The following SATB1 variants were observed in gnomAD, a reference collection of about 807,000 sequenced individuals.
SATB1 encodes DNA-binding protein SATB1.
A neutral mutation model predicts 86.9 loss-of-function variants in SATB1; 11 were observed. That is an observed-to-expected ratio of 0.13 (90% CI 0.08 to 0.21). The LOEUF is 0.21. Ranked by LOEUF, SATB1 falls within the 10% of genes least tolerant of loss-of-function variation. The pLI is 1.00. For missense variants in SATB1, 551 were observed against 937.6 expected (o/e 0.59, Z 5.39); for synonymous variants, 357 against 357.2 (o/e 1.00, Z 0.01).
chr3:18,442,131 G>C (rs754071586), upstream of SATB1, among the ~76,000 whole-genome samples: 118 of 152,052 alleles, frequency 7.8e-4, no homozygotes, highest in Non-Finnish European at 1.3e-3. Context: ...TAACTATTCA[G>C]ACTTTTGGAA....
At chr3:18,431,210 T>A (rs1487826840) in intron 2 of SATB1, among the ~76,000 whole-genome samples, 1 of 152,150 alleles carries the variant, frequency 6.6e-6, no homozygotes, top group Admixed American at 6.5e-5. Context: ...ATTTTTTTCC[T>A]GTAGCTCGTG....
rs1020078335 is a variant in SATB1 at position 18,347,289 on chromosome 3, A to T, written c.*1881T>A. 2.0e-5 allele frequency: 3 copies of T among 152,102 alleles called. No homozygotes were observed. The highest frequency in any genetic ancestry group is 4.4e-5 in the Non-Finnish European group (3 of 67,990). The allele number at this position is 152,102 out of a possible 1,614,324, so 9.4% of individuals were successfully genotyped here. ...GAGCAAATAAAAGAAAAATCACCCCAAACTGTAATGCTGGCCTCAATCCTG... is the reference window on the plus strand; with the variant it reads ...GAGCAAATAAAAGAAAAATCACCCCTAACTGTAATGCTGGCCTCAATCCTG... On this transcript the variant is annotated 3_prime_UTR_variant, in exon 11 of 11. Coordinates refer to ENST00000338745, the MANE Select transcript of SATB1 (RefSeq NM_002971.6).
chr3:18,365,610 G>A (rs1695147715), intron 9 of SATB1, among the ~76,000 whole-genome samples: 1 of 152,172 alleles, frequency 6.6e-6, no homozygotes. Context: ...TCTAACAGAA[G>A]ATCAAAGAAG....
intron 9 of SATB1, among the ~76,000 whole-genome samples, chr3:18,369,925 G>A (rs1486784924): frequency 6.6e-6 from 1 of 152,216 alleles, no homozygotes; most frequent in Non-Finnish European, 1.5e-5. Flanking sequence ...GGTTGTGCAG[G>A]TGTGACCTTG....
intron 9 of SATB1, among the ~76,000 whole-genome samples, chr3:18,370,541 A>AAAAAAAAAAAAAAAAGAGGG: frequency 7.3e-6 from 1 of 137,752 alleles, no homozygotes; most frequent in Non-Finnish European, 1.6e-5. Flanking sequence ...AAAAAAGAGG[A>AAAAAAAAAAAAAAAAGAGGG]AAAACAAAAA....
intron 9 of SATB1, among the ~76,000 whole-genome samples, chr3:18,374,292 A>T (rs1695629022): frequency 6.6e-6 from 1 of 152,204 alleles, no homozygotes; most frequent in African/African-American, 2.4e-5. Flanking sequence ...CCCATATGAA[A>T]ACACTATAAC....
In SATB1 at chr3:18,394,347, G is replaced by T; in HGVS notation, c.1206+115C>A. On this transcript the variant is annotated intron_variant, in intron 7 of 10. Coordinates refer to ENST00000338745, the MANE Select transcript of SATB1 (RefSeq NM_002971.6). The surrounding 1 kb of genome is among the most constrained non-coding windows in gnomAD (Gnocchi z 5.9). ...CCAGGAATAGGTAATATGATCACAT[G>T]AAGAGAGAGAGAAAATGTTAGTACA... The T allele has an allele frequency of 1.2e-6, 1 of 866,568 alleles. No homozygotes were observed. The highest frequency in any genetic ancestry group is 1.8e-6 in the Non-Finnish European group (1 of 546,206). 53.7% of individuals were successfully genotyped at this position (866,568 alleles called of 1,614,324 possible). A position where few individuals can be genotyped will look rare whatever the true frequency, so the allele number is the denominator to read the frequency against.
chr3:18,345,906 G>T lies in SATB1; in HGVS notation c.*3264C>A, dbSNP rs1036890896. ...ATAGGGCAGAATTTAATAATGGAAT[G>T]TATGGGATTCTCATTTTTACTCAAT... is the stretch of plus-strand genomic sequence containing the variant. On this transcript the variant is annotated 3_prime_UTR_variant, in exon 11 of 11. Transcript: ENST00000338745. The T allele has an allele frequency of 1.3e-5, 2 of 152,052 alleles. No individual in the cohort carries two copies. Among genetic ancestry groups the T allele is most frequent in the Non-Finnish European group, 2.9e-5 (2 of 67,968 alleles). 9.4% of individuals were successfully genotyped at this position (152,052 alleles called of 1,614,324 possible).
chr3:18,395,995 T>A (rs559389506), intron 6 of SATB1, among the ~76,000 whole-genome samples: 7 of 152,224 alleles, frequency 4.6e-5, no homozygotes, highest in Non-Finnish European at 1.0e-4. Context: ...TTTCATTAAA[T>A]ATGCAGGTTT....
intron 8 of SATB1, among the ~76,000 whole-genome samples, chr3:18,385,775 A>T (rs1696312865): frequency 6.6e-6 from 1 of 152,220 alleles, no homozygotes; most frequent in Non-Finnish European, 1.5e-5. Flanking sequence ...TTAAAAAACA[A>T]TACAGATTCA....
At chr3:18,384,006 G>T (rs1269165199) in intron 8 of SATB1, among the ~76,000 whole-genome samples, 1 of 152,010 alleles carries the variant, frequency 6.6e-6, no homozygotes, top group African/African-American at 2.4e-5. Flanking sequence ...TGGTTAGATG[G>T]CCAGTAATAC....
chr3:18,358,670 T>C (rs1694768416), intron 9 of SATB1, among the ~76,000 whole-genome samples: 1 of 152,048 alleles, frequency 6.6e-6, no homozygotes, highest in Non-Finnish European at 1.5e-5. Flanking sequence ...AAAAGGCATA[T>C]GTGTGTGCAT....
upstream of SATB1, among the ~76,000 whole-genome samples, chr3:18,443,614 G>A (rs1156571068): frequency 2.0e-5 from 3 of 152,178 alleles, no homozygotes; most frequent in Non-Finnish European, 2.9e-5. This position sits in a 1 kb window ranked among gnomAD's most constrained non-coding sequence, Gnocchi z 4.4. Context: ...ATCCCAAGAG[G>A]AAACTGCGTT....
At chr3:18,387,441 T>C (rs1696401190) in intron 7 of SATB1, among the ~76,000 whole-genome samples, 1 of 152,210 alleles carries the variant, frequency 6.6e-6, no homozygotes, top group Non-Finnish European at 1.5e-5. Context: ...AAGAAATTTA[T>C]AAATCATTAG....
intron 2 of SATB1, among the ~76,000 whole-genome samples, chr3:18,420,074 G>A (rs1053803510): frequency 2.0e-5 from 3 of 152,136 alleles, no homozygotes; most frequent in Admixed American, 2.0e-4. Context: ...TACACCCAGG[G>A]TAGGCACTGC....
intron 1 of SATB1, chr3:18,445,046 C>G: frequency 3.9e-6 from 1 of 257,458 alleles, no homozygotes; most frequent in Non-Finnish European, 6.0e-6. Flanking sequence ...CCCGCGGGAG[C>G]CCGCAGCCAC....
intron 9 of SATB1, among the ~76,000 whole-genome samples, chr3:18,370,114 C>G (rs529553757): frequency 6.6e-6 from 1 of 152,078 alleles, no homozygotes; most frequent in African/African-American, 2.4e-5. Flanking sequence ...GTTTTCCCGG[C>G]GTATTTGGCT....
Position 18,416,126 on chromosome 3 carries a change from G to C in SATB1, c.396C>G (p.Ile132Met). The C allele has an allele frequency of 6.2e-7, 1 of 1,605,126 alleles. No homozygotes were observed. Among genetic ancestry groups the C allele is most frequent in the Non-Finnish European group, 8.5e-7 (1 of 1,174,936 alleles). The part of the protein sequence containing the change: ...HSSAAQAKGL[I>M]QVGKWNPVPL... ...GAACTGGATTCCACTTTCCAACCTG[G>C]ATTAGCCCTATTTCAGATAAAGAGA... The change falls in exon 4 of 11, where the codon ATC becomes ATG. Residue 132 changes from isoleucine (I) to methionine (M), a missense_variant. Transcript: ENST00000338745.
intron 5 of SATB1, among the ~76,000 whole-genome samples, chr3:18,408,151 T>C (rs947799559): frequency 6.6e-6 from 1 of 151,988 alleles, no homozygotes; most frequent in Non-Finnish European, 1.5e-5. Flanking sequence ...AATATTACAA[T>C]AGAAAATAAT....
Sources: gnomAD v4.1 joint callset for allele counts (sites outside exome capture counted in the v4.1 genomes callset) on GRCh38, gnomAD v4.1.1 for gene constraint, Gnocchi (gnomAD v3.1) non-coding constraint, MANE v1.5 for transcripts, NCBI Gene and HGNC (gene_info 2026-07-23, HGNC 2026-07-21) for gene names.